TRIM24: variants seen among roughly 807,000 people sequenced by gnomAD.
The protein encoded by TRIM24 is transcription intermediary factor 1-alpha.
TRIM24 carries 29 observed loss-of-function variants against 123.9 expected under a neutral mutation model. The ratio of observed to expected loss-of-function variants is 0.23; its 90% CI spans 0.17 to 0.32. The LOEUF is 0.32. Among genes scored for constraint, TRIM24 ranks in the 10% least tolerant of loss-of-function variants. The pLI is 1.00. For synonymous variants in TRIM24, 456 were observed against 461.1 expected (o/e 0.99, Z 0.14); for missense variants, 932 against 1,295.3 (o/e 0.72, Z 4.31).
chr7:138,529,938 GA>G (rs1005301483), intron 6 of TRIM24, among the ~76,000 whole-genome samples: 2 of 151,454 alleles, frequency 1.3e-5, no homozygotes, highest in African/African-American at 4.8e-5. Context: ...AAGCAAATGA[GA>G]AAAAAAAGAA....
intron 6 of TRIM24, among the ~76,000 whole-genome samples, chr7:138,531,546 CTCA>C (rs1267785695): frequency 1.3e-5 from 2 of 152,108 alleles, no homozygotes; most frequent in Non-Finnish European, 2.9e-5. Flanking sequence ...AGGACATGAA[CTCA>C]TCATTTTTTA....
intron 7 of TRIM24, among the ~76,000 whole-genome samples, chr7:138,549,190 T>C (rs1269596872): frequency 1.3e-5 from 2 of 152,206 alleles, no homozygotes; most frequent in African/African-American, 4.8e-5. Flanking sequence ...CATTAGGCAA[T>C]GGGAATTATT....
intron 1 of TRIM24, among the ~76,000 whole-genome samples, chr7:138,463,056 T>TTG (rs1263712737): frequency 2.6e-4 from 37 of 143,138 alleles, no homozygotes; most frequent in African/African-American, 8.7e-4. Context: ...TTTTTTTTTT[T>TTG]TTTTTTTTTT....
chr7:138,533,428 C>T (rs1203252873), intron 6 of TRIM24, among the ~76,000 whole-genome samples: 2 of 152,090 alleles, frequency 1.3e-5, no homozygotes, highest in East Asian at 3.9e-4. Context: ...GCATGAAGGG[C>T]TGTTGAATTT....
chr7:138,536,244 T>C (rs1796870624), intron 6 of TRIM24, among the ~76,000 whole-genome samples: 1 of 152,252 alleles, frequency 6.6e-6, no homozygotes, highest in African/African-American at 2.4e-5. Flanking sequence ...TCCAGCTTTG[T>C]TCCGTTGCTG....
intron 1 of TRIM24, among the ~76,000 whole-genome samples, chr7:138,501,368 C>T (rs1796035137): frequency 6.6e-6 from 1 of 151,934 alleles, no homozygotes; most frequent in South Asian, 2.1e-4. Flanking sequence ...GTAGCTGGGA[C>T]TACAGGCACA....
chr7:138,504,044 T>A (rs1018442802), intron 1 of TRIM24, among the ~76,000 whole-genome samples: 1 of 152,166 alleles, frequency 6.6e-6, no homozygotes, highest in Admixed American at 6.5e-5. Context: ...ATTTAGCCCA[T>A]GATGATGTGG....
intron 12 of TRIM24, 53 bp downstream of exon 12, chr7:138,573,695 C>G: frequency 6.4e-7 from 1 of 1,559,224 alleles, no homozygotes. Context: ...TTTCACTTTA[C>G]TTGGAATAAA....
intron 1 of TRIM24, among the ~76,000 whole-genome samples, chr7:138,493,130 A>T (rs1205943686): frequency 6.7e-6 from 1 of 150,312 alleles, no homozygotes; most frequent in African/African-American, 2.5e-5. Context: ...TTGTTCATAT[A>T]CTCTTCTGAT....
intron 3 of TRIM24, among the ~76,000 whole-genome samples, chr7:138,516,590 A>G (rs1364979905): frequency 4.6e-5 from 7 of 152,090 alleles, no homozygotes; most frequent in African/African-American, 1.7e-4. Flanking sequence ...CCTGACCTCA[A>G]GTAATCCGCC....
In TRIM24 at chr7:138,580,546, C is replaced by T. The variant is rs1380360613; in HGVS notation, c.2586-16C>T. The T allele has an allele frequency of 1.2e-5, 20 of 1,601,856 alleles. No homozygotes were observed. Among genetic ancestry groups the T allele is most frequent in the Non-Finnish European group, 1.5e-5 (18 of 1,174,100 alleles). On this transcript the variant is annotated splice_polypyrimidine_tract_variant and intron_variant, in intron 15 of 18. Transcript: ENST00000343526. ...ATGATGCATTAGGAATTCAAAAGTA[C>T]ATTGTCCCCTAACAGTGGAGAGTGG...
At chr7:138,463,769 T>G (rs1375844999) in intron 1 of TRIM24, among the ~76,000 whole-genome samples, 5 of 152,158 alleles carry the variant, frequency 3.3e-5, no homozygotes, top group Non-Finnish European at 5.9e-5. Flanking sequence ...TGCTGTATTG[T>G]ACGCAAGAGT....
At chr7:138,535,960 T>A (rs919882257) in intron 6 of TRIM24, among the ~76,000 whole-genome samples, 1 of 152,222 alleles carries the variant, frequency 6.6e-6, no homozygotes, top group Non-Finnish European at 1.5e-5. Context: ...CTTCGTTTCA[T>A]TCATTTGATC....
intron 17 of TRIM24, 85 bp downstream of exon 17, chr7:138,581,856 T>C: frequency 9.6e-7 from 1 of 1,039,148 alleles, no homozygotes. Flanking sequence ...TATTACCATT[T>C]TTCAGTACTT....
At chr7:138,541,418 G>GT (rs1797001211) in intron 7 of TRIM24, among the ~76,000 whole-genome samples, 1 of 152,188 alleles carries the variant, frequency 6.6e-6, no homozygotes, top group African/African-American at 2.4e-5. Flanking sequence ...TGGGTGACCA[G>GT]TTGTATTTGT....
chr7:138,488,510 C>G (rs1795701853), intron 1 of TRIM24, among the ~76,000 whole-genome samples: 1 of 152,230 alleles, frequency 6.6e-6, no homozygotes, highest in South Asian at 2.1e-4. Flanking sequence ...CCTCCTCACA[C>G]TGCTTTAAAT....
intron 10 of TRIM24, 100 bp from the exon 11 acceptor site, chr7:138,570,728 TAC>T: frequency 8.6e-7 from 1 of 1,168,900 alleles, no homozygotes; most frequent in South Asian, 1.7e-5. Context: ...CCATGTAAAT[TAC>T]AGTTGAACTC....
intron 6 of TRIM24, 110 bp downstream of exon 6, chr7:138,529,340 A>ATT: frequency 7.0e-6 from 4 of 570,808 alleles, no homozygotes; most frequent in Non-Finnish European, 5.5e-6. Flanking sequence ...GTGATTTAAT[A>ATT]TTTTTTTTTC....
At chr7:138,482,486 A>G (rs934465980) in intron 1 of TRIM24, among the ~76,000 whole-genome samples, 31 of 152,180 alleles carry the variant, frequency 2.0e-4, no homozygotes, top group African/African-American at 7.0e-4. Context: ...TTTAAGTCAG[A>G]TGGGTAGCGT....
Sources: allele counts gnomAD v4.1 joint callset (sites outside exome capture counted in the v4.1 genomes callset), GRCh38; gene constraint gnomAD v4.1.1; transcripts MANE v1.5; gene names NCBI Gene and HGNC (gene_info 2026-07-23, HGNC 2026-07-21).